Variants in NCEH1 observed in about 807,000 individuals in gnomAD.
NCEH1 encodes 2-acetyl MAGE hydrolase.
A neutral mutation model predicts 25.4 loss-of-function variants in NCEH1; 9 were observed. The ratio of observed to expected loss-of-function variants is 0.35; its 90% CI spans 0.21 to 0.62. The LOEUF (loss-of-function observed/expected upper bound fraction) is 0.62, where lower values mean the gene tolerates loss of function less well. Among genes scored for constraint, NCEH1 ranks in the 20% least tolerant of loss-of-function variants. The probability of loss-of-function intolerance (pLI) is 0.72; values close to 1 mark genes in which losing one functional copy is unlikely to be tolerated. For synonymous variants in NCEH1, 200 were observed against 199.8 expected, an observed-to-expected ratio of 1.00 and a Z score of -0.01; for missense variants, 412 against 501.1, an observed-to-expected ratio of 0.82 and a Z score of 1.70.
At chr3:172,702,312 T>C (rs1182987577) in intron 1 of NCEH1, among the ~76,000 whole-genome samples, 2 of 152,208 alleles carry the variant, frequency 1.3e-5, no homozygotes, top group Non-Finnish European at 2.9e-5. Context: ...ATATGCTCAA[T>C]AGATATTTTT....
At chr3:172,703,960 T>C (rs1341034314) in intron 1 of NCEH1, among the ~76,000 whole-genome samples, 2 of 152,238 alleles carry the variant, frequency 1.3e-5, no homozygotes, top group South Asian at 2.1e-4. Context: ...CAGCTAAAAA[T>C]TGTGGTTAGT....
At chr3:172,670,786 T>C (rs1711565501) in intron 1 of NCEH1, among the ~76,000 whole-genome samples, 1 of 152,196 alleles carries the variant, frequency 6.6e-6, no homozygotes, top group Non-Finnish European at 1.5e-5. Flanking sequence ...AAAATAAGTT[T>C]CTAATATTTC....
intron 1 of NCEH1, chr3:172,680,997 A>G (rs75120060): frequency 2.9e-5 from 2 of 69,718 alleles, no homozygotes; most frequent in Admixed American, 4.5e-4. Flanking sequence ...GCCTCTAGAA[A>G]AAAAAAAAAA....
rs544727178 is a variant in NCEH1, at chr3:172,633,249, G to A, written c.*226C>T. The A allele has an allele frequency of 1.9e-6, 1 of 535,334 alleles. No individual in the cohort carries two copies. Among genetic ancestry groups the A allele is most frequent in the Non-Finnish European group, 3.3e-6 (1 of 298,940 alleles). The allele number at this position is 535,334 out of a possible 1,614,324, so 33.2% of individuals were successfully genotyped here. A position where few individuals can be genotyped will look rare whatever the true frequency, so the allele number is the denominator to read the frequency against. ...TTGGCTAAGATAACAAGAACAGAGA[G>A]ATTGGCCCACTCTGGGAACCAAATT... On this transcript the variant is annotated 3_prime_UTR_variant, in exon 5 of 5. Transcript: ENST00000475381.
At chr3:172,662,191 T>G (rs1718002597) in intron 1 of NCEH1, among the ~76,000 whole-genome samples, 1 of 152,254 alleles carries the variant, frequency 6.6e-6, no homozygotes, top group Non-Finnish European at 1.5e-5. Flanking sequence ...CTGTTGAATT[T>G]TGTCAAAGGC....
At chr3:172,672,160 AC>A (rs1328974709) in intron 1 of NCEH1, among the ~76,000 whole-genome samples, 1 of 152,212 alleles carries the variant, frequency 6.6e-6, no homozygotes, top group African/African-American at 2.4e-5. Flanking sequence ...ACTTACCATT[AC>A]ATTGTAATTG....
In NCEH1 at chr3:172,668,365, T is replaced by C. The variant is rs1718324151; in HGVS notation, c.139-20251A>G. On this transcript the variant is annotated intron_variant, in intron 1 of 4. Coordinates refer to ENST00000475381, the MANE Select transcript of NCEH1 (RefSeq NM_020792.6). The stretch of plus-strand genomic sequence containing the variant: ...AAGGAAGCATTTTTTTTTTTTTTTT[T>C]TTTTTTTTTGAGAGAGTCTCGCTCT... Among the ~76,000 whole-genome samples the C allele has an allele frequency of 2.9e-5, 4 of 138,740 alleles. No homozygotes were observed. The South Asian group carries it at 9.7e-4, about 34-fold the overall frequency. The allele number at this position is 138,740 out of a possible 152,430, so 91.0% of individuals were successfully genotyped here.
chr3:172,647,897 AAGG>A lies in NCEH1; in HGVS notation c.353_355del (p.Ala118_Leu119delinsVal), dbSNP rs748907022. 1 of 1,614,178 alleles carries A rather than the reference AAGG, an allele frequency of 6.2e-7. No homozygotes were observed. Among genetic ancestry groups the A allele is most frequent in the Non-Finnish European group, 8.5e-7 (1 of 1,180,030 alleles). On this transcript the variant is annotated inframe_deletion, in exon 2 of 5. Coordinates refer to ENST00000475381, the MANE Select transcript of NCEH1 (RefSeq NM_020792.6). ...TGACCAGGACGCACTTGCACTTGCCAAGGCCCAGCCTCCTCCGTGGATATAAAC... is the reference window on the plus strand; with the variant it reads ...TGACCAGGACGCACTTGCACTTGCCACCCAGCCTCCTCCGTGGATATAAAC...
intron 1 of NCEH1, among the ~76,000 whole-genome samples, chr3:172,666,670 A>G (rs997915991): frequency 6.6e-6 from 1 of 152,158 alleles, no homozygotes; most frequent in Admixed American, 6.5e-5. Flanking sequence ...CCAGGAATTC[A>G]TTCATCGGAG....
chr3:172,656,983 T>C (rs1010995205), intron 1 of NCEH1, among the ~76,000 whole-genome samples: 3 of 152,194 alleles, frequency 2.0e-5, no homozygotes, highest in Non-Finnish European at 4.4e-5. Context: ...TCCAGTTTCT[T>C]GTTTTTCTTG....
chr3:172,643,910 T>C (rs1348222797), intron 3 of NCEH1, among the ~76,000 whole-genome samples: 1 of 152,230 alleles, frequency 6.6e-6, no homozygotes, highest in Admixed American at 6.5e-5. Context: ...TGCTTTCCTC[T>C]GGCCAGCTGC....
chr3:172,644,496 C>A (rs1173503001), intron 3 of NCEH1, among the ~76,000 whole-genome samples: 1 of 152,202 alleles, frequency 6.6e-6, no homozygotes, highest in African/African-American at 2.4e-5. Flanking sequence ...TATAAGCTCC[C>A]TTCAATAGTG....
chr3:172,660,860 T>A (rs909978545), intron 1 of NCEH1, among the ~76,000 whole-genome samples: 1 of 152,214 alleles, frequency 6.6e-6, no homozygotes, highest in Non-Finnish European at 1.5e-5. Flanking sequence ...TCTTTGTAGA[T>A]TCTGGATATT....
At chr3:172,662,962 T>A (rs1405222334) in intron 1 of NCEH1, among the ~76,000 whole-genome samples, 1 of 152,234 alleles carries the variant, frequency 6.6e-6, no homozygotes, top group Non-Finnish European at 1.5e-5. Flanking sequence ...TCTATCTCCT[T>A]CAGTTCTGCT....
chr3:172,671,528 C>CACACACACACACATAT (rs145129202), intron 1 of NCEH1, among the ~76,000 whole-genome samples: 1 of 137,052 alleles, frequency 7.3e-6, no homozygotes, highest in African/African-American at 2.7e-5. Flanking sequence ...CACACACACA[C>CACACACACACACATAT]ATATATAGAT....
chr3:172,694,139 C>T (rs1389740429), intron 1 of NCEH1, among the ~76,000 whole-genome samples: 2 of 152,146 alleles, frequency 1.3e-5, no homozygotes, highest in African/African-American at 4.8e-5. Flanking sequence ...AGCAAACTTC[C>T]TGCCTCATCC....
At chr3:172,694,538 A>C (rs1358853794) in intron 1 of NCEH1, among the ~76,000 whole-genome samples, 1 of 152,194 alleles carries the variant, frequency 6.6e-6, no homozygotes, top group Non-Finnish European at 1.5e-5. Flanking sequence ...GCTCAATATC[A>C]ACATTGCCAA....
intron 1 of NCEH1, among the ~76,000 whole-genome samples, chr3:172,694,656 G>T (rs745312375): frequency 6.6e-6 from 1 of 152,144 alleles, no homozygotes; most frequent in Non-Finnish European, 1.5e-5. Flanking sequence ...CACTTGTGGG[G>T]CCCTGACAGG....
At chr3:172,670,256 TTC>T (rs1201532970) in intron 1 of NCEH1, among the ~76,000 whole-genome samples, 1 of 152,150 alleles carries the variant, frequency 6.6e-6, no homozygotes, top group Admixed American at 6.5e-5. Context: ...AGCAAAGAGG[TTC>T]TCAAGAGCTG....
Sources: gnomAD v4.1 joint callset for allele counts (sites outside exome capture counted in the v4.1 genomes callset) on GRCh38, gnomAD v4.1.1 for gene constraint, MANE v1.5 for transcripts, NCBI Gene and HGNC (gene_info 2026-07-23, HGNC 2026-07-21) for gene names.